NXPE2: variants seen among roughly 807,000 people sequenced by gnomAD.
The protein encoded by NXPE2 is NXPE family member 2.
NXPE2 carries 34 observed loss-of-function variants against 34.4 expected under a neutral mutation model. That is an observed-to-expected ratio of 0.99 (90% CI 0.75 to 1.31). The LOEUF (loss-of-function observed/expected upper bound fraction) is 1.31, where lower values mean the gene tolerates loss of function less well. Among genes scored for constraint, NXPE2 ranks in the 40% most tolerant of loss-of-function variants. The pLI is 0.00. For synonymous variants in NXPE2, 235 were observed against 231.3 expected (o/e 1.02, Z -0.15); for missense variants, 649 against 672.5 (o/e 0.97, Z 0.39).
intron 2 of NXPE2, among the ~76,000 whole-genome samples, chr11:114,697,445 C>G (rs1015910747): frequency 1.3e-5 from 2 of 152,182 alleles, no homozygotes; most frequent in Admixed American, 1.3e-4. Flanking sequence ...ACCTTGATCT[C>G]CGACTTCTGG....
chr11:114,709,315 G>A (rs3851574), downstream of NXPE2, among the ~76,000 whole-genome samples: 5,728 of 152,044 alleles, frequency 0.038, 323 homozygotes, highest in African/African-American at 0.13. Context: ...TCCATAATGC[G>A]TTATCATTTT....
At chr11:114,521,992 G>A in the NXPE2 span, 1 of 1,613,046 alleles carries the variant, frequency 6.2e-7, no homozygotes, top group Non-Finnish European at 8.5e-7. Flanking sequence ...TTAAGAACAT[G>A]TTAATCTGAT....
intron 3 of NXPE2, 73 bp from the exon 4 acceptor site, chr11:114,703,918 C>A: frequency 9.6e-7 from 1 of 1,042,784 alleles, no homozygotes; most frequent in Non-Finnish European, 1.5e-6. Context: ...GAGGTTTAAT[C>A]CATCTAAACC....
the NXPE2 span, among the ~76,000 whole-genome samples, chr11:114,796,516 A>G: frequency 1.6e-4 from 24 of 152,106 alleles, no homozygotes; most frequent in Middle Eastern, 0.01. Flanking sequence ...TTCCTCTGAA[A>G]TTCAAAAAAA....
the NXPE2 span, among the ~76,000 whole-genome samples, chr11:114,633,324 G>A: frequency 7.3e-6 from 1 of 137,504 alleles, no homozygotes; most frequent in African/African-American, 2.7e-5. Flanking sequence ...ATTATATTAT[G>A]TGGTATTACA....
the NXPE2 span, among the ~76,000 whole-genome samples, chr11:114,811,981 C>T: frequency 3.3e-5 from 5 of 152,110 alleles, no homozygotes; most frequent in African/African-American, 1.2e-4. Context: ...TGGCACATAG[C>T]AGACACTCAA....
At chr11:114,807,800 C>A in the NXPE2 span, among the ~76,000 whole-genome samples, 1 of 152,012 alleles carries the variant, frequency 6.6e-6, no homozygotes, top group Admixed American at 6.6e-5. Context: ...AGAAAGTTAA[C>A]AAGGATACCC....
the NXPE2 span, among the ~76,000 whole-genome samples, chr11:114,740,834 G>A: frequency 6.6e-6 from 1 of 152,126 alleles, no homozygotes; most frequent in Non-Finnish European, 1.5e-5. Flanking sequence ...TTTGCTTGAT[G>A]TATTTAGCCT....
the NXPE2 span, among the ~76,000 whole-genome samples, chr11:114,632,085 A>G: frequency 0.013 from 1,813 of 144,538 alleles, 38 homozygotes; most frequent in African/African-American, 0.043. Context: ...TAATATTATT[A>G]TATTGTAAAT....
the NXPE2 span, among the ~76,000 whole-genome samples, chr11:114,724,844 C>CTT: frequency 4.4e-3 from 539 of 121,564 alleles, no homozygotes; most frequent in African/African-American, 6.4e-3. Flanking sequence ...GCTTCCATGG[C>CTT]TTTTTTTTTT....
chr11:114,652,610 C>T, the NXPE2 span, among the ~76,000 whole-genome samples: 4 of 152,270 alleles, frequency 2.6e-5, no homozygotes, highest in African/African-American at 9.6e-5. Context: ...CTGTTATTGT[C>T]ATAATTGTCA....
the NXPE2 span, among the ~76,000 whole-genome samples, chr11:114,756,405 A>T: frequency 3.3e-5 from 5 of 152,202 alleles, no homozygotes; most frequent in Non-Finnish European, 7.3e-5. Context: ...TAAAATTATT[A>T]GCTTTTTAAA....
At chr11:114,589,011 C>A in the NXPE2 span, among the ~76,000 whole-genome samples, 85 of 152,252 alleles carry the variant, frequency 5.6e-4, no homozygotes, top group African/African-American at 2.0e-3. Context: ...AGAGGAAACA[C>A]AAGAGAAGGA....
the NXPE2 span, among the ~76,000 whole-genome samples, chr11:114,790,780 T>C: frequency 6.6e-6 from 1 of 151,632 alleles, no homozygotes; most frequent in African/African-American, 2.4e-5. Flanking sequence ...ATCATTGGGG[T>C]TGATTTATGA....
the NXPE2 span, among the ~76,000 whole-genome samples, chr11:114,481,376 T>C: frequency 1.3e-5 from 2 of 152,172 alleles, no homozygotes; most frequent in African/African-American, 4.8e-5. Flanking sequence ...CATACGATAA[T>C]TTAATTTAGA....
intron 2 of NXPE2, among the ~76,000 whole-genome samples, chr11:114,697,211 T>C (rs1276650439): frequency 3.3e-5 from 5 of 152,180 alleles, no homozygotes; most frequent in Non-Finnish European, 7.4e-5. Flanking sequence ...GAGATCATCC[T>C]GGATTAAGGG....
At chr11:114,500,493 G>GTAT in the NXPE2 span, among the ~76,000 whole-genome samples, 2 of 151,990 alleles carry the variant, frequency 1.3e-5, no homozygotes, top group African/African-American at 4.8e-5. Context: ...TATTTGAGTT[G>GTAT]TAAGTGTTCT....
the NXPE2 span, among the ~76,000 whole-genome samples, chr11:114,728,932 A>G: frequency 6.6e-6 from 1 of 152,064 alleles, no homozygotes; most frequent in South Asian, 2.1e-4. Context: ...AATATTTTCC[A>G]TTTTTATTTT....
At chr11:114,731,106 G>C in the NXPE2 span, among the ~76,000 whole-genome samples, 2 of 152,014 alleles carry the variant, frequency 1.3e-5, no homozygotes, top group African/African-American at 2.4e-5. Context: ...TATCATGAAG[G>C]CATGTTGGAT....
Sources: gnomAD v4.1 joint callset for allele counts (sites outside exome capture counted in the v4.1 genomes callset) on GRCh38, gnomAD v4.1.1 for gene constraint, MANE v1.5 for transcripts, NCBI Gene and HGNC (gene_info 2026-07-23, HGNC 2026-07-21) for gene names.